SMC5: variants seen among roughly 807,000 people sequenced by gnomAD.
SMC5 encodes structural maintenance of chromosomes protein 5.
In SMC5, 88 loss-of-function variants were observed where a neutral mutation model predicts 148.3. The observed-to-expected ratio is 0.59, with a 90% CI of 0.50 to 0.71. SMC5 has a LOEUF of 0.71. Among genes scored for constraint, SMC5 ranks in the 30% least tolerant of loss-of-function variants. The pLI is 0.00. For missense variants in SMC5, 1,142 were observed against 1,298.9 expected (o/e 0.88, Z 1.86); for synonymous variants, 421 against 432.8 (o/e 0.97, Z 0.34).
chr9:70,287,596 C>G (rs1241973527), intron 8 of SMC5, among the ~76,000 whole-genome samples: 1 of 152,120 alleles, frequency 6.6e-6, no homozygotes, highest in Non-Finnish European at 1.5e-5. Context: ...TGTTAATCTC[C>G]TAGTTCTCAG....
chr9:70,293,580 A>G (rs72712293), intron 8 of SMC5, among the ~76,000 whole-genome samples: 11,764 of 152,184 alleles, frequency 0.077, 531 homozygotes, highest in African/African-American at 0.13. Flanking sequence ...TTGGTGTTAT[A>G]CATTTTCCTG....
chr9:70,302,434 A>G (rs546547739), intron 10 of SMC5, among the ~76,000 whole-genome samples: 8 of 152,086 alleles, frequency 5.3e-5, no homozygotes, highest in Admixed American at 4.6e-4. Flanking sequence ...TGGAGGTTGC[A>G]GTGAGCTGAG....
At chr9:70,348,593 A>G (rs2036727516) in intron 22 of SMC5, among the ~76,000 whole-genome samples, 1 of 151,954 alleles carries the variant, frequency 6.6e-6, no homozygotes, top group African/African-American at 2.4e-5. Flanking sequence ...CTGGAGGCTG[A>G]GGTGCAAGGA....
chr9:70,309,431 C>T (rs1401976818), intron 11 of SMC5, among the ~76,000 whole-genome samples: 8 of 148,926 alleles, frequency 5.4e-5, no homozygotes, highest in Admixed American at 2.7e-4. Context: ...TGAGCCACCG[C>T]GCCCAGCCTA....
At chr9:70,306,062 G>A (rs1033060916) in intron 11 of SMC5, among the ~76,000 whole-genome samples, 7 of 152,022 alleles carry the variant, frequency 4.6e-5, no homozygotes, top group Non-Finnish European at 7.4e-5. Flanking sequence ...CATCATTATC[G>A]TAATACATTG....
At chr9:70,342,269 T>C (rs574198523) in intron 17 of SMC5, among the ~76,000 whole-genome samples, 3 of 144,732 alleles carry the variant, frequency 2.1e-5, no homozygotes, top group African/African-American at 7.6e-5. Context: ...GGGATAGCAT[T>C]GGGAGATATA....
intron 8 of SMC5, among the ~76,000 whole-genome samples, chr9:70,291,556 G>A (rs2035061248): frequency 6.6e-6 from 1 of 152,164 alleles, no homozygotes; most frequent in African/African-American, 2.4e-5. Flanking sequence ...ACCTCATATG[G>A]TTTGGGGAGA....
chr9:70,318,469 T>C, intron 13 of SMC5, 45 bp from the exon 14 acceptor site: 1 of 1,374,972 alleles, frequency 7.3e-7, no homozygotes, highest in South Asian at 1.7e-5. Flanking sequence ...CTTTAAAACA[T>C]ATAATTTATA....
At chr9:70,287,736 G>A (rs2034948435) in intron 8 of SMC5, among the ~76,000 whole-genome samples, 1 of 152,150 alleles carries the variant, frequency 6.6e-6, no homozygotes, top group African/African-American at 2.4e-5. Context: ...TGTGTATGTT[G>A]GGAGAAGGGG....
In SMC5 at chr9:70,348,012, G is replaced by A. The variant is rs748581730; in HGVS notation, c.2863G>A (p.Glu955Lys). The A allele has an allele frequency of 6.3e-7, 1 of 1,594,314 alleles. No homozygotes were observed. The highest frequency in any genetic ancestry group is 1.8e-5 in the Admixed American group (1 of 55,054). The change falls in exon 22 of 25, where the codon GAA becomes AAA. Residue 955 changes from glutamate to lysine, a missense_variant. By Grantham distance (56) the Glu-to-Lys change is moderately conservative. Transcript: ENST00000361138. ...NFFSSMQCAG[E>K]VDLHTENEED... The stretch of plus-strand genomic sequence containing the variant: ...TTTTAGTTCCATGCAGTGTGCTGGT[G>A]AAGTTGATCTCCATACAGAAAATGA...
In SMC5 at chr9:70,341,371, A is replaced by G. The variant is rs114722793; in HGVS notation, c.2398-2773A>G. 1.7e-3 allele frequency among the ~76,000 whole-genome samples: 253 copies of G among 152,342 alleles called. 1 individual carries two copies. Among genetic ancestry groups the G allele is most frequent in the African/African-American group, 5.8e-3 (243 of 41,578 alleles). ...TATTTTAGCAAAGTCCAGAGGAACA[A>G]GAATCAGGAATAGAAGAAATTAGGA... On this transcript the variant is annotated intron_variant, in intron 17 of 24. Transcript: ENST00000361138.
At chr9:70,333,070 G>T (rs2118728808) in intron 17 of SMC5, among the ~76,000 whole-genome samples, 1 of 152,118 alleles carries the variant, frequency 6.6e-6, no homozygotes, top group South Asian at 2.1e-4. Context: ...GGAAGTTCTA[G>T]TCAGTGCAGT....
At chr9:70,284,316 T>G (rs1423179819) in intron 7 of SMC5, among the ~76,000 whole-genome samples, 1 of 152,248 alleles carries the variant, frequency 6.6e-6, no homozygotes, top group Non-Finnish European at 1.5e-5. Flanking sequence ...ATTGGTCATT[T>G]TAAATGTTAC....
chr9:70,331,973 A>G (rs866705605), intron 17 of SMC5, among the ~76,000 whole-genome samples: 2 of 152,114 alleles, frequency 1.3e-5, no homozygotes, highest in South Asian at 2.1e-4. Context: ...AGCATGACAG[A>G]ATAACACTAC....
At chr9:70,293,568 A>G (rs1202892275) in intron 8 of SMC5, among the ~76,000 whole-genome samples, 2 of 151,912 alleles carry the variant, frequency 1.3e-5, no homozygotes, top group African/African-American at 2.4e-5. Flanking sequence ...TTATGTATAC[A>G]CTTGGTGTTA....
intron 8 of SMC5, among the ~76,000 whole-genome samples, chr9:70,297,427 C>G (rs1164612430): frequency 6.6e-6 from 1 of 152,132 alleles, no homozygotes; most frequent in Non-Finnish European, 1.5e-5. Context: ...AACTGACATA[C>G]AACTAATATA....
chr9:70,320,067 T>TTATAG (rs2035905493), intron 15 of SMC5, among the ~76,000 whole-genome samples: 1 of 152,244 alleles, frequency 6.6e-6, no homozygotes, highest in African/African-American at 2.4e-5. Flanking sequence ...GTCCAGATAA[T>TTATAG]TATAGTTTGT....
Position 70,298,019 on chromosome 9 carries a change from A to G in SMC5, c.1107A>G (p.Arg369=). The G allele has an allele frequency of 6.2e-7, 1 of 1,613,982 alleles. No individual in the cohort carries two copies. Among genetic ancestry groups the G allele is most frequent in the Non-Finnish European group, 8.5e-7 (1 of 1,179,930 alleles). Residue 369 remains arginine (R), a synonymous_variant, in exon 9 of 25, where the codon CGA becomes CGG. Coordinates refer to ENST00000361138, the MANE Select transcript of SMC5 (RefSeq NM_015110.4). ...TAAAGCAAAATGAAGAGCTTGACCG[A>G]CAGAGGAGAATAGGTAATACCCGCA... The part of the protein sequence containing the change: ...LIVKQNEELD[R]QRRIGNTRKM...
chr9:70,287,863 A>G (rs1238712252), intron 8 of SMC5, among the ~76,000 whole-genome samples: 1 of 152,158 alleles, frequency 6.6e-6, no homozygotes, highest in Non-Finnish European at 1.5e-5. Flanking sequence ...TTTAGAAGGA[A>G]TAATCAGTTC....
Sources: allele counts gnomAD v4.1 joint callset (sites outside exome capture counted in the v4.1 genomes callset), GRCh38; gene constraint gnomAD v4.1.1; transcripts MANE v1.5; gene names NCBI Gene and HGNC (gene_info 2026-07-23, HGNC 2026-07-21).